The following DPYD variants were observed in gnomAD, a reference collection of about 807,000 sequenced individuals.
DPYD encodes the protein dihydropyrimidine dehydrogenase [NADP(+)].
In DPYD, 109 loss-of-function variants were observed where a neutral mutation model predicts 116.2. The observed-to-expected ratio is 0.94, with a 90% CI of 0.80 to 1.10. DPYD has a LOEUF of 1.10. DPYD is among the 50% of genes least tolerant of loss of function. DPYD has a pLI of 0.00. For missense variants in DPYD, 1,302 were observed against 1,254.5 expected (o/e 1.04, Z -0.57); for synonymous variants, 440 against 432.0 (o/e 1.02, Z -0.23).
intron 3 of DPYD, among the ~76,000 whole-genome samples, chr1:97,763,710 T>C (rs1362521289): frequency 6.6e-6 from 1 of 152,096 alleles, no homozygotes; most frequent in African/African-American, 2.4e-5. Flanking sequence ...AAAAAGGTAA[T>C]GCATCTTTTA....
At chr1:97,703,244 G>A (rs991700973) in intron 5 of DPYD, among the ~76,000 whole-genome samples, 2 of 151,942 alleles carry the variant, frequency 1.3e-5, no homozygotes, top group African/African-American at 4.8e-5. Context: ...CCACATTTTT[G>A]TGAATTTCAG....
At chr1:97,246,756 T>A (rs1662745780) in intron 18 of DPYD, among the ~76,000 whole-genome samples, 1 of 152,082 alleles carries the variant, frequency 6.6e-6, no homozygotes, top group African/African-American at 2.4e-5. Flanking sequence ...TTAAAATGCA[T>A]TAAAAAATAT....
At chr1:97,811,624 G>A (rs539475246) in intron 3 of DPYD, among the ~76,000 whole-genome samples, 23 of 152,026 alleles carry the variant, frequency 1.5e-4, no homozygotes, top group African/African-American at 7.2e-5. Context: ...ACTTTGTTTC[G>A]AAACTTCAGT....
intron 20 of DPYD, among the ~76,000 whole-genome samples, chr1:97,102,525 G>A (rs1297173758): frequency 6.8e-6 from 1 of 146,978 alleles, no homozygotes; most frequent in Non-Finnish European, 1.5e-5. Flanking sequence ...GTGTGTGTGT[G>A]TGTGTGTCTA....
chr1:97,193,350 G>T lies in DPYD; in HGVS notation c.2443-102C>A, dbSNP rs907592374. On this transcript the variant is annotated intron_variant, in intron 19 of 22. Transcript: ENST00000370192. Reference sequence around the variant, plus strand: ...AACAAATATTTATTTTATGTGCCAGGCACTGTTTGAGGCATGATGGATCAG... The same window carrying T: ...AACAAATATTTATTTTATGTGCCAGTCACTGTTTGAGGCATGATGGATCAG... 2.4e-6 allele frequency: 3 copies of T among 1,269,304 alleles called. No individual in the cohort carries two copies. In the African/African-American group the frequency reaches 4.4e-5, roughly 19 times the overall value. The allele number at this position is 1,269,304 out of a possible 1,614,324, so 78.6% of individuals were successfully genotyped here.
chr1:97,844,801 G>A (rs1339419821), intron 2 of DPYD, among the ~76,000 whole-genome samples: 1 of 152,154 alleles, frequency 6.6e-6, no homozygotes, highest in Admixed American at 6.5e-5. Flanking sequence ...CCTTCTCAGG[G>A]GCCTGGGAAA....
chr1:97,484,885 G>GT (rs1385225228), intron 13 of DPYD, among the ~76,000 whole-genome samples: 3 of 152,100 alleles, frequency 2.0e-5, no homozygotes, highest in Non-Finnish European at 4.4e-5. Context: ...TCCGCTCACT[G>GT]TATTCACTCA....
At chr1:97,873,596 T>G (rs1671764589) in intron 2 of DPYD, among the ~76,000 whole-genome samples, 1 of 151,950 alleles carries the variant, frequency 6.6e-6, no homozygotes, top group Non-Finnish European at 1.5e-5. Flanking sequence ...AATACATTTT[T>G]ATATATGTGT....
At chr1:97,771,776 A>G (rs935988408) in intron 3 of DPYD, among the ~76,000 whole-genome samples, 4 of 152,232 alleles carry the variant, frequency 2.6e-5, no homozygotes, top group Non-Finnish European at 5.9e-5. Context: ...TTACGAAAAC[A>G]TTCATATTTA....
At chr1:97,794,964 A>G (rs182678351) in intron 3 of DPYD, among the ~76,000 whole-genome samples, 73 of 152,256 alleles carry the variant, frequency 4.8e-4, no homozygotes, top group Admixed American at 1.1e-3. Context: ...CAATCTTGCA[A>G]TATACCTAAT....
At chr1:97,133,451 T>A (rs1345257419) in intron 20 of DPYD, among the ~76,000 whole-genome samples, 1 of 152,216 alleles carries the variant, frequency 6.6e-6, no homozygotes, top group Non-Finnish European at 1.5e-5. Context: ...CTTTTAAAAA[T>A]TGATTACCTA....
rs1557937997 is a variant in DPYD, at chr1:97,206,641, TATATATATATATA to T, written c.2443-13406_2443-13394del. On this transcript the variant is annotated intron_variant, in intron 19 of 22. Transcript: ENST00000370192. ...TTCATGTGAAAACAGGGAGATTTTA[TATATATATATATA>T]TATATATATATATATATATATATAT... Among the ~76,000 whole-genome samples, 5 of 13,128 alleles carry T rather than the reference TATATATATATATA, an allele frequency of 3.8e-4. No individual in the cohort carries two copies. The African/African-American group carries it at 4.4e-3, about 12-fold the overall frequency. The allele number at this position is 13,128 out of a possible 152,430, so 8.6% of individuals were successfully genotyped here.
chr1:97,721,671 T>A lies in DPYD; in HGVS notation c.322A>T (p.Asn108Tyr). The change falls in exon 5 of 23, where the codon AAC becomes TAC. Residue 108 changes from asparagine (N) to tyrosine (Y), a missense_variant and splice_region_variant. By Grantham distance (143) the Asn-to-Tyr change is moderately radical. Transcript: ENST00000370192. ...ATCATCTTAGCAGCTCCATAATAGTTCTGCAAAATTAATACAAAATAAAAT... is the reference window on the plus strand; with the variant it reads ...ATCATCTTAGCAGCTCCATAATAGTACTGCAAAATTAATACAAAATAAAAT... ...KSFITSIANKNYYGAAKMIFS... is the reference protein window; with the variant it reads ...KSFITSIANKYYYGAAKMIFS... The A allele has an allele frequency of 6.2e-7, 1 of 1,610,680 alleles. No individual in the cohort carries two copies. The highest frequency in any genetic ancestry group is 8.5e-7 in the Non-Finnish European group (1 of 1,177,776).
At chr1:97,596,691 G>A (rs1204798379) in intron 8 of DPYD, among the ~76,000 whole-genome samples, 2 of 152,168 alleles carry the variant, frequency 1.3e-5, no homozygotes, top group African/African-American at 4.8e-5. Flanking sequence ...TTTGTCATAT[G>A]AGATAAGGTG....
chr1:97,729,045 T>C (rs1663433888), intron 4 of DPYD, among the ~76,000 whole-genome samples: 1 of 152,138 alleles, frequency 6.6e-6, no homozygotes, highest in Non-Finnish European at 1.5e-5. Context: ...TTAGATCAGC[T>C]TTATACAATA....
At chr1:97,587,824 C>CAAAA in intron 10 of DPYD, among the ~76,000 whole-genome samples, 1 of 57,412 alleles carries the variant, frequency 1.7e-5, no homozygotes, top group African/African-American at 6.7e-5. Flanking sequence ...ACTCCATCTC[C>CAAAA]AAAAAAAAAA....
chr1:97,387,534 T>C (rs1672422664), intron 14 of DPYD, among the ~76,000 whole-genome samples: 2 of 152,048 alleles, frequency 1.3e-5, no homozygotes, highest in Non-Finnish European at 2.9e-5. Context: ...GTTAGACCTA[T>C]TTATAATATT....
chr1:97,906,622 G>A (rs1245380457), intron 1 of DPYD, among the ~76,000 whole-genome samples: 1 of 152,090 alleles, frequency 6.6e-6, no homozygotes, highest in Non-Finnish European at 1.5e-5. Context: ...ACGGGGATAT[G>A]TTCCAAGACT....
intron 3 of DPYD, among the ~76,000 whole-genome samples, chr1:97,796,018 T>C (rs12081900): frequency 0.014 from 2,206 of 152,154 alleles, 59 homozygotes; most frequent in African/African-American, 0.05. Flanking sequence ...TTAAAACTTG[T>C]ATTGTACAGC....
Sources: gnomAD v4.1 joint callset for allele counts (sites outside exome capture counted in the v4.1 genomes callset) on GRCh38, gnomAD v4.1.1 for gene constraint, MANE v1.5 for transcripts, NCBI Gene and HGNC (gene_info 2026-07-23, HGNC 2026-07-21) for gene names.